The following NDST3 variants were observed in gnomAD, a reference collection of about 807,000 sequenced individuals.
The protein encoded by NDST3 is bifunctional heparan sulfate N-deacetylase/N-sulfotransferase 3.
A neutral mutation model predicts 96.1 loss-of-function variants in NDST3; 58 were observed. That is an observed-to-expected ratio of 0.60 (90% CI 0.49 to 0.75). NDST3 has a LOEUF of 0.75. Among genes scored for constraint, NDST3 ranks in the 30% least tolerant of loss-of-function variants. NDST3 has a pLI of 0.00. For missense variants in NDST3, 788 were observed against 1,034.2 expected (o/e 0.76, Z 3.27); for synonymous variants, 333 against 359.7 (o/e 0.93, Z 0.84).
intron 9 of NDST3, among the ~76,000 whole-genome samples, chr4:118,234,361 C>T (rs1740500801): frequency 6.6e-6 from 1 of 152,072 alleles, no homozygotes; most frequent in Admixed American, 6.6e-5. Context: ...CTGCAATGAG[C>T]TGTGATTGCA....
intron 6 of NDST3, among the ~76,000 whole-genome samples, chr4:118,185,549 C>T (rs959801891): frequency 2.0e-5 from 3 of 151,716 alleles, no homozygotes; most frequent in Non-Finnish European, 2.9e-5. Context: ...TTAAATTTAA[C>T]AGTTTAATTG....
At chr4:118,076,572 T>C (rs1032868240) in intron 2 of NDST3, among the ~76,000 whole-genome samples, 4 of 152,170 alleles carry the variant, frequency 2.6e-5, no homozygotes, top group African/African-American at 7.2e-5. Flanking sequence ...TCTTCACAGA[T>C]TGGTCTATTC....
chr4:118,139,672 A>G (rs557708592), intron 5 of NDST3, among the ~76,000 whole-genome samples: 3 of 152,284 alleles, frequency 2.0e-5, no homozygotes, highest in African/African-American at 7.2e-5. Flanking sequence ...CTGATGATCC[A>G]TTCCCAAATC....
chr4:118,057,774 T>C (rs1725547689), intron 2 of NDST3, among the ~76,000 whole-genome samples: 1 of 152,130 alleles, frequency 6.6e-6, no homozygotes, highest in South Asian at 2.1e-4. Flanking sequence ...AGGAGTTGAC[T>C]AAGGGGGTCA....
chr4:118,105,699 C>T (rs1425894072), intron 3 of NDST3, among the ~76,000 whole-genome samples: 1 of 152,080 alleles, frequency 6.6e-6, no homozygotes. Context: ...TTGTCTATTC[C>T]ATTAAGCTGT....
chr4:118,173,154 G>A (rs199846418), intron 6 of NDST3, among the ~76,000 whole-genome samples: 152 of 114,584 alleles, frequency 1.3e-3, no homozygotes, highest in South Asian at 4.3e-3. Flanking sequence ...GTGTGTGTGT[G>A]TATATATATA....
intron 1 of NDST3, among the ~76,000 whole-genome samples, chr4:118,049,521 A>C (rs948996675): frequency 1.3e-5 from 2 of 151,974 alleles, no homozygotes; most frequent in Non-Finnish European, 2.9e-5. Flanking sequence ...AAAAAAGAAC[A>C]ATCAAAAATG....
chr4:118,168,905 A>G (rs1009360515), intron 6 of NDST3, among the ~76,000 whole-genome samples: 2 of 152,186 alleles, frequency 1.3e-5, no homozygotes, highest in African/African-American at 4.8e-5. Flanking sequence ...TCCACTTAAC[A>G]TGAGATATCT....
chr4:118,137,740 G>A (rs192810818), intron 4 of NDST3, among the ~76,000 whole-genome samples: 3 of 152,190 alleles, frequency 2.0e-5, no homozygotes, highest in South Asian at 2.1e-4. Context: ...ACTTGTTGAC[G>A]TATGGGCAAT....
intron 2 of NDST3, among the ~76,000 whole-genome samples, chr4:118,084,582 CAT>C (rs1430867887): frequency 2.6e-5 from 4 of 151,992 alleles, no homozygotes; most frequent in African/African-American, 9.7e-5. Flanking sequence ...TCTGTTCTGT[CAT>C]ATGTTGGTTT....
intron 2 of NDST3, among the ~76,000 whole-genome samples, chr4:118,058,761 G>A (rs1241192996): frequency 6.6e-6 from 1 of 151,822 alleles, no homozygotes; most frequent in African/African-American, 2.4e-5. Context: ...TAAGGGTTTT[G>A]GGAGAGAGAA....
At chr4:118,109,875 T>G (rs1245653024) in intron 3 of NDST3, among the ~76,000 whole-genome samples, 1 of 152,210 alleles carries the variant, frequency 6.6e-6, no homozygotes, top group Non-Finnish European at 1.5e-5. Flanking sequence ...AAGAGAGCTT[T>G]ATCTTGTTTG....
chr4:118,159,082 G>A (rs770717730), intron 6 of NDST3, among the ~76,000 whole-genome samples: 3 of 152,210 alleles, frequency 2.0e-5, no homozygotes, highest in Non-Finnish European at 4.4e-5. Context: ...AGTCCCATAG[G>A]AGGAAAAGAT....
chr4:118,050,501 T>C (rs1211271058), intron 1 of NDST3, among the ~76,000 whole-genome samples: 1 of 152,184 alleles, frequency 6.6e-6, no homozygotes, highest in Non-Finnish European at 1.5e-5. Flanking sequence ...TCCCTAGAAC[T>C]GATAAATGAC....
At chr4:118,199,231 C>T (rs112533971) in intron 6 of NDST3, among the ~76,000 whole-genome samples, 2,291 of 152,198 alleles carry the variant, frequency 0.015, 55 homozygotes, top group African/African-American at 0.052. Flanking sequence ...TGTAGGCATG[C>T]TTCATGGTTT....
intron 4 of NDST3, among the ~76,000 whole-genome samples, chr4:118,116,039 GAGA>G (rs34909956): frequency 0.53 from 79,726 of 151,734 alleles, 25,147 homozygotes; most frequent in East Asian, 0.74. Flanking sequence ...AAACTGCTGT[GAGA>G]AGGAGAGTCA....
chr4:118,101,482 T>G (rs1247190457), intron 2 of NDST3, among the ~76,000 whole-genome samples: 1 of 152,090 alleles, frequency 6.6e-6, no homozygotes, highest in Non-Finnish European at 1.5e-5. Flanking sequence ...ATAATTAAGT[T>G]GCACACTATG....
At chr4:118,174,247 G>A (rs1209663541) in intron 6 of NDST3, among the ~76,000 whole-genome samples, 1 of 152,110 alleles carries the variant, frequency 6.6e-6, no homozygotes, top group East Asian at 1.9e-4. Context: ...ACTGCCATAT[G>A]TTAAACTAAA....
At chr4:118,081,772 C>T (rs1308974589) in intron 2 of NDST3, among the ~76,000 whole-genome samples, 1 of 152,232 alleles carries the variant, frequency 6.6e-6, no homozygotes, top group Non-Finnish European at 1.5e-5. Flanking sequence ...ATTATACCTG[C>T]CAGTAAATTA....
Sources: gnomAD v4.1 joint callset for allele counts (sites outside exome capture counted in the v4.1 genomes callset) on GRCh38, gnomAD v4.1.1 for gene constraint, MANE v1.5 for transcripts, NCBI Gene and HGNC (gene_info 2026-07-23, HGNC 2026-07-21) for gene names.